The following ITIH5 variants were observed in gnomAD, a reference collection of about 807,000 sequenced individuals.
The protein encoded by ITIH5 is inter-alpha-trypsin inhibitor heavy chain H5.
A neutral mutation model predicts 77.5 loss-of-function variants in ITIH5; 65 were observed. That is an observed-to-expected ratio of 0.84 (90% CI 0.69 to 1.03). The LOEUF (loss-of-function observed/expected upper bound fraction) is 1.03, where lower values mean the gene tolerates loss of function less well. ITIH5 is among the 50% of genes least tolerant of loss of function. The probability of loss-of-function intolerance (pLI) is 0.00; values close to 1 mark genes in which losing one functional copy is unlikely to be tolerated. For synonymous variants in ITIH5, 525 were observed against 494.3 expected, an observed-to-expected ratio of 1.06 and a Z score of -0.82; for missense variants, 1,208 against 1,213.1, an observed-to-expected ratio of 1.00 and a Z score of 0.06.
At chr10:7,563,446 A>G in intron 13 of ITIH5, 62 bp from the exon 14 acceptor site, 1 of 1,455,724 alleles carries the variant, frequency 6.9e-7, no homozygotes, top group Non-Finnish European at 9.4e-7. Flanking sequence ...GCTGAACTCC[A>G]ACTTCAGAGC....
chr10:7,592,722 G>A (rs915538086), intron 7 of ITIH5, among the ~76,000 whole-genome samples: 1 of 152,232 alleles, frequency 6.6e-6, no homozygotes, highest in Non-Finnish European at 1.5e-5. Flanking sequence ...GGCGGCCTCA[G>A]CCAGGGTGCT....
At chr10:7,600,457 G>A in intron 7 of ITIH5, 1 of 449,476 alleles carries the variant, frequency 2.2e-6, no homozygotes, top group Non-Finnish European at 4.5e-6. Flanking sequence ...GCCCACTGCT[G>A]CCATCAACCC....
In ITIH5 at chr10:7,560,164, A is replaced by C. The variant is rs1249414767; in HGVS notation, c.*2919T>G. On this transcript the variant is annotated 3_prime_UTR_variant, in exon 14 of 14. Coordinates refer to ENST00000397146, the MANE Select transcript of ITIH5 (RefSeq NM_030569.7). ...TGCACCTGGCCCCATGTCTCTTCTT[A>C]TAAGGGCCTTAATCCCATTCGTGAG... The C allele has an allele frequency of 4.6e-6, 1 of 217,766 alleles. No individual in the cohort carries two copies. The highest frequency in any genetic ancestry group is 9.1e-6 in the Non-Finnish European group (1 of 110,324). 13.5% of individuals were successfully genotyped at this position (217,766 alleles called of 1,614,324 possible).
chr10:7,658,940 C>T (rs536775952), intron 1 of ITIH5, among the ~76,000 whole-genome samples: 6 of 152,282 alleles, frequency 3.9e-5, no homozygotes, highest in Middle Eastern at 3.4e-3. Flanking sequence ...CTTCCCGTGA[C>T]GGTCTGAACC....
chr10:7,574,824 A>AAT (rs397807043), intron 10 of ITIH5, among the ~76,000 whole-genome samples: 20 of 140,700 alleles, frequency 1.4e-4, no homozygotes, highest in African/African-American at 5.2e-4. Context: ...GCAAAAAAAA[A>AAT]CCCTTTCGAG....
chr10:7,597,336 T>C (rs1832924404), intron 7 of ITIH5, among the ~76,000 whole-genome samples: 2 of 152,092 alleles, frequency 1.3e-5, no homozygotes, highest in African/African-American at 4.8e-5. Context: ...TGGTGGGTGG[T>C]AGTATGGCCC....
At chr10:7,664,544 C>G (rs551957986) in intron 1 of ITIH5, among the ~76,000 whole-genome samples, 1 of 152,162 alleles carries the variant, frequency 6.6e-6, no homozygotes, top group East Asian at 1.9e-4. Context: ...GTGACTTTTT[C>G]CACCCCAAGG....
At chr10:7,631,196 G>A (rs560102633) in intron 5 of ITIH5, among the ~76,000 whole-genome samples, 15 of 152,198 alleles carry the variant, frequency 9.9e-5, no homozygotes, top group Non-Finnish European at 1.0e-4. Flanking sequence ...AGTTTCCATC[G>A]GCAGCTATTT....
At chr10:7,580,327 C>T (rs938592269) in intron 8 of ITIH5, among the ~76,000 whole-genome samples, 2 of 152,130 alleles carry the variant, frequency 1.3e-5, no homozygotes, top group Non-Finnish European at 2.9e-5. Flanking sequence ...ACCATGTTGG[C>T]CAGGCTGGTC....
At chr10:7,637,099 C>T in intron 5 of ITIH5, 129 bp downstream of exon 5, 1 of 1,161,000 alleles carries the variant, frequency 8.6e-7, no homozygotes, top group Non-Finnish European at 1.2e-6. Context: ...TGCTATCATT[C>T]CAGTTCCTAC....
intron 2 of ITIH5, among the ~76,000 whole-genome samples, chr10:7,644,799 C>CAT (rs1007341547): frequency 1.9e-5 from 2 of 105,766 alleles, no homozygotes; most frequent in Admixed American, 9.4e-5. Context: ...TCATATATAT[C>CAT]ATATATATCA....
intron 2 of ITIH5, among the ~76,000 whole-genome samples, chr10:7,650,960 C>T (rs1216810384): frequency 2.0e-5 from 3 of 151,846 alleles, no homozygotes; most frequent in African/African-American, 7.3e-5. Flanking sequence ...TATTTTTATA[C>T]AAGAAAACCC....
chr10:7,580,133 T>C, intron 8 of ITIH5, 69 bp from the exon 9 acceptor site: 3 of 1,346,980 alleles, frequency 2.2e-6, no homozygotes, highest in Non-Finnish European at 3.0e-6. Context: ...GCACTTTCTT[T>C]TTTTTGAGAC....
chr10:7,591,128 C>T (rs1832786562), intron 7 of ITIH5, among the ~76,000 whole-genome samples: 1 of 152,222 alleles, frequency 6.6e-6, no homozygotes, highest in Non-Finnish European at 1.5e-5. Flanking sequence ...ATCTCCTGAC[C>T]TCATAATCTG....
chr10:7,591,689 T>C (rs1832796197), intron 7 of ITIH5, among the ~76,000 whole-genome samples: 2 of 152,134 alleles, frequency 1.3e-5, no homozygotes, highest in South Asian at 4.2e-4. Context: ...ACACATGAAC[T>C]TCCAAGAGAG....
rs564732981 is a variant in ITIH5, at chr10:7,660,711, C to T, written c.91-5036G>A. ...AGAGAGATAGGTACTTGAGTCATCT[C>T]GAGAGTCCATCCATGGGAAAGAATG... On this transcript the variant is annotated intron_variant, in intron 1 of 13. Transcript: ENST00000397146. Among the ~76,000 whole-genome samples, 264 of 152,222 alleles carry T rather than the reference C, an allele frequency of 1.7e-3. 3 individuals are homozygous for T. Among genetic ancestry groups the T allele is most frequent in the African/African-American group, 5.0e-3 (208 of 41,530 alleles).
chr10:7,644,585 A>ATATATAT (rs1833954678), intron 2 of ITIH5, among the ~76,000 whole-genome samples: 1 of 106,856 alleles, frequency 9.4e-6, no homozygotes, highest in Non-Finnish European at 1.9e-5. Flanking sequence ...CACATATATC[A>ATATATAT]CATATATATC....
rs11255270 is a variant in ITIH5 at position 7,657,067 on chromosome 10, C to T, written c.91-1392G>A. 7.4e-4 allele frequency among the ~76,000 whole-genome samples: 54 copies of T among 72,822 alleles called. 1 individual carries two copies. In the East Asian group the frequency reaches 0.017, roughly 22 times the overall value. The allele number at this position is 72,822 out of a possible 152,430, so 47.8% of individuals were successfully genotyped here. On this transcript the variant is annotated intron_variant, in intron 1 of 13. Coordinates refer to ENST00000397146, the MANE Select transcript of ITIH5 (RefSeq NM_030569.7). ...TTTTTTTTTTTTTTTTTTTTTTAGA[C>T]GGAGTCTTGTTCTGTTGCCCAGGCT...
chr10:7,633,303 A>G (rs1833741678), intron 5 of ITIH5, among the ~76,000 whole-genome samples: 1 of 152,230 alleles, frequency 6.6e-6, no homozygotes, highest in Non-Finnish European at 1.5e-5. Flanking sequence ...ATCTTCCAAA[A>G]TACGTCTCAC....
Sources: gnomAD v4.1 joint callset for allele counts (sites outside exome capture counted in the v4.1 genomes callset) on GRCh38, gnomAD v4.1.1 for gene constraint, MANE v1.5 for transcripts, NCBI Gene and HGNC (gene_info 2026-07-23, HGNC 2026-07-21) for gene names.